TXNRD2: variants seen among roughly 807,000 people sequenced by gnomAD.
TXNRD2 encodes the protein thioredoxin reductase 2.
In TXNRD2, 67 loss-of-function variants were observed where a neutral mutation model predicts 70.8. The ratio of observed to expected loss-of-function variants is 0.95; its 90% confidence interval spans 0.78 to 1.16. TXNRD2 has a LOEUF of 1.16. Among genes scored for constraint, TXNRD2 ranks in the 50% most tolerant of loss-of-function variants. The probability of loss-of-function intolerance (pLI) is 0.00; values close to 1 mark genes in which losing one functional copy is unlikely to be tolerated. For synonymous variants in TXNRD2, 301 were observed against 295.8 expected, an observed-to-expected ratio of 1.02 and a Z score of -0.18; for missense variants, 644 against 719.9, an observed-to-expected ratio of 0.89 and a Z score of 1.21.
intron 12 of TXNRD2, among the ~76,000 whole-genome samples, chr22:19,882,599 C>T (rs778024937): frequency 2.0e-5 from 3 of 152,156 alleles, no homozygotes; most frequent in Non-Finnish European, 4.4e-5. Context: ...TACCACAGCC[C>T]CAGGACGCAG....
intron 8 of TXNRD2, among the ~76,000 whole-genome samples, chr22:19,905,095 T>C (rs1166473692): frequency 6.6e-6 from 1 of 152,116 alleles, no homozygotes; most frequent in Non-Finnish European, 1.5e-5. Flanking sequence ...ATGTAACATG[T>C]AAACACTGAC....
intron 1 of TXNRD2, among the ~76,000 whole-genome samples, chr22:19,931,723 A>C (rs1941367254): frequency 6.6e-6 from 1 of 152,052 alleles, no homozygotes. Flanking sequence ...GGCTGGTCTC[A>C]AACACCTGGC....
intron 11 of TXNRD2, among the ~76,000 whole-genome samples, chr22:19,884,871 C>T (rs2145943380): frequency 6.6e-6 from 1 of 152,268 alleles, no homozygotes; most frequent in East Asian, 1.9e-4. Flanking sequence ...GTGCTGCAGC[C>T]CCTCGTGGCT....
At chr22:19,887,319 G>A (rs989642124) in intron 11 of TXNRD2, 2 of 152,292 alleles carry the variant, frequency 1.3e-5, no homozygotes, top group African/African-American at 4.8e-5. Context: ...GCAGAGGAAG[G>A]GCACCAGCTC....
intron 14 of TXNRD2, 139 bp from the exon 15 acceptor site, chr22:19,878,576 A>G: frequency 1.2e-6 from 1 of 858,774 alleles, no homozygotes. Flanking sequence ...CTGGTCTGGG[A>G]TGGGGATGAG....
intron 14 of TXNRD2, among the ~76,000 whole-genome samples, chr22:19,879,621 G>C (rs547522491): frequency 3.3e-5 from 5 of 151,676 alleles, no homozygotes; most frequent in South Asian, 2.1e-4. Flanking sequence ...AGGGTGGTGG[G>C]GGGGGTGGGG....
At chr22:19,932,085 C>A (rs1245597657) in intron 1 of TXNRD2, among the ~76,000 whole-genome samples, 2 of 148,368 alleles carry the variant, frequency 1.3e-5, no homozygotes, top group Non-Finnish European at 1.5e-5. Context: ...GGCGTGAACC[C>A]GGGAGGCGGA....
intron 1 of TXNRD2, among the ~76,000 whole-genome samples, chr22:19,931,482 G>T (rs961218676): frequency 6.6e-6 from 1 of 152,068 alleles, no homozygotes; most frequent in African/African-American, 2.4e-5. Flanking sequence ...GCTTGGGGGA[G>T]GGATGAAAGG....
At position 19,915,292 on chromosome 22, in the gene TXNRD2, G is replaced by A. The variant is rs1462045039; in HGVS notation, c.529-16C>T. 1 of 1,611,850 alleles carries A rather than the reference G, an allele frequency of 6.2e-7. No individual in the cohort carries two copies. The highest frequency in any genetic ancestry group is 2.2e-5 in the East Asian group (1 of 44,858). On this transcript the variant is annotated splice_polypyrimidine_tract_variant and intron_variant, in intron 6 of 17. Transcript: ENST00000400521. ...ACAGCAGAATCTGAGGAGAAAAAGA[G>A]AAAGCCGTGGGTCAGACAGGTGCAT...
chr22:19,898,021 T>C lies in TXNRD2; in HGVS notation c.774+18A>G, dbSNP rs1430551176. 2 of 1,548,422 alleles carry C rather than the reference T, an allele frequency of 1.3e-6. No individual in the cohort carries two copies. Among genetic ancestry groups the C allele is most frequent in the South Asian group, 2.4e-5 (2 of 84,072 alleles). ...GCCTCAGAGCCACAGGGGCGGGAGC[T>C]GGGGCCTCCAGCACTACCTGGTCGA... On this transcript the variant is annotated intron_variant, in intron 10 of 17. Transcript: ENST00000400521.
chr22:19,929,619 G>T (rs1941283149), intron 2 of TXNRD2, among the ~76,000 whole-genome samples: 1 of 152,174 alleles, frequency 6.6e-6, no homozygotes, highest in Non-Finnish European at 1.5e-5. Context: ...CAACGGAGAG[G>T]CCTCAGAAGA....
At chr22:19,897,132 G>A (rs919583994) in intron 10 of TXNRD2, among the ~76,000 whole-genome samples, 31 of 152,196 alleles carry the variant, frequency 2.0e-4, no homozygotes, top group Non-Finnish European at 2.5e-4. Context: ...TGCACTGAGG[G>A]ACATGATGGG....
chr22:19,898,163 C>T, intron 9 of TXNRD2, 33 bp from the exon 10 acceptor site: 1 of 1,544,720 alleles, frequency 6.5e-7, no homozygotes, highest in Non-Finnish European at 8.8e-7. Context: ...CACTGTAGAT[C>T]CCAATTTTGG....
chr22:19,934,116 C>CTG, intron 1 of TXNRD2, among the ~76,000 whole-genome samples: 1 of 152,306 alleles, frequency 6.6e-6, no homozygotes, highest in African/African-American at 2.4e-5. Context: ...AGGGGCCCTC[C>CTG]TGTATGGCTG....
rs1000041198 is a variant in TXNRD2, at chr22:19,880,725, A to G, written c.1087-8T>C. 5.0e-6 allele frequency: 8 copies of G among 1,604,562 alleles called. No individual in the cohort carries two copies. The African/African-American group carries it at 9.8e-5, about 20-fold the overall frequency. Reference sequence around the variant, plus strand: ...TGTCAGCTCAGGCCGCCCCTTGGGGAAGGCACAGGGGGGCCACGTCAGCAC... The same window carrying G: ...TGTCAGCTCAGGCCGCCCCTTGGGGGAGGCACAGGGGGGCCACGTCAGCAC... On this transcript the variant is annotated splice_polypyrimidine_tract_variant and splice_region_variant and intron_variant, in intron 12 of 17. Coordinates refer to ENST00000400521, the MANE Select transcript of TXNRD2 (RefSeq NM_006440.5).
At chr22:19,894,202 G>A (rs1484262545) in intron 11 of TXNRD2, 1 of 152,248 alleles carries the variant, frequency 6.6e-6, no homozygotes, top group Admixed American at 6.5e-5. Flanking sequence ...CTTACATGAA[G>A]TCCCTCGAGG....
chr22:19,941,073 A>G (rs796641557), intron 1 of TXNRD2, among the ~76,000 whole-genome samples: 1 of 152,228 alleles, frequency 6.6e-6, no homozygotes, highest in Non-Finnish European at 1.5e-5. Flanking sequence ...GGCCCCCTGC[A>G]TGGTGGGGGA....
intron 11 of TXNRD2, among the ~76,000 whole-genome samples, chr22:19,890,984 G>A (rs1204661919): frequency 6.6e-6 from 1 of 152,160 alleles, no homozygotes; most frequent in East Asian, 1.9e-4. Flanking sequence ...CCAGGCACAC[G>A]TGCCACGTGG....
At chr22:19,934,822 A>G (rs1941487833) in intron 1 of TXNRD2, among the ~76,000 whole-genome samples, 1 of 152,110 alleles carries the variant, frequency 6.6e-6, no homozygotes, top group Admixed American at 6.5e-5. Context: ...TCGGCCTCTC[A>G]AAGTGCTAGG....
Sources: gnomAD v4.1 joint callset for allele counts (sites outside exome capture counted in the v4.1 genomes callset) on GRCh38, gnomAD v4.1.1 for gene constraint, MANE v1.5 for transcripts, NCBI Gene and HGNC (gene_info 2026-07-23, HGNC 2026-07-21) for gene names.